SLC24A2: variants seen among roughly 807,000 people sequenced by gnomAD.
SLC24A2 encodes sodium/potassium/calcium exchanger 2.
SLC24A2 carries 36 observed loss-of-function variants against 62.0 expected under a neutral mutation model. That is an observed-to-expected ratio of 0.58 (90% CI 0.44 to 0.77). SLC24A2 has a LOEUF of 0.77. Among genes scored for constraint, SLC24A2 ranks in the 30% least tolerant of loss-of-function variants. SLC24A2 has a pLI of 0.00. For missense variants in SLC24A2, 846 were observed against 817.9 expected, an observed-to-expected ratio of 1.03 and a Z score of -0.42; for synonymous variants, 358 against 294.0, an observed-to-expected ratio of 1.22 and a Z score of -2.23.
chr9:19,525,115 G>A (rs1327041386), intron 9 of SLC24A2, among the ~76,000 whole-genome samples: 2 of 152,108 alleles, frequency 1.3e-5, no homozygotes, highest in South Asian at 2.1e-4. Flanking sequence ...ATAAAATAAT[G>A]ACTCCAAGGC....
At chr9:20,026,381 C>T in the SLC24A2 span, among the ~76,000 whole-genome samples, 3 of 152,148 alleles carry the variant, frequency 2.0e-5, no homozygotes, top group Admixed American at 1.3e-4. Flanking sequence ...TCCCACAGTG[C>T]CTAGCACATA....
chr9:20,242,859 C>A, the SLC24A2 span, among the ~76,000 whole-genome samples: 4 of 152,210 alleles, frequency 2.6e-5, no homozygotes, highest in South Asian at 8.3e-4. Flanking sequence ...GTGCTGTCAG[C>A]GAGGCAATCT....
chr9:19,707,658 T>C (rs1327381921), intron 2 of SLC24A2, among the ~76,000 whole-genome samples: 1 of 152,174 alleles, frequency 6.6e-6, no homozygotes, highest in Non-Finnish European at 1.5e-5. Flanking sequence ...AAAAACCACA[T>C]GATTATCTCA....
the SLC24A2 span, among the ~76,000 whole-genome samples, chr9:20,157,409 T>C: frequency 6.6e-6 from 1 of 151,666 alleles, no homozygotes; most frequent in Non-Finnish European, 1.5e-5. Flanking sequence ...AAAGACTCTG[T>C]CTTTGAGAGA....
chr9:19,943,329 CT>C, the SLC24A2 span, among the ~76,000 whole-genome samples: 1 of 152,262 alleles, frequency 6.6e-6, no homozygotes, highest in South Asian at 2.1e-4. Context: ...GTACTCACCC[CT>C]AATTACTTTC....
intron 2 of SLC24A2, among the ~76,000 whole-genome samples, chr9:19,706,678 G>A (rs572878372): frequency 5.9e-5 from 9 of 151,852 alleles, no homozygotes; most frequent in Admixed American, 2.6e-4. Flanking sequence ...GCGCCCGGCC[G>A]GGTCTTGATT....
chr9:19,762,903 T>C (rs1405760255), intron 2 of SLC24A2, among the ~76,000 whole-genome samples: 2 of 151,276 alleles, frequency 1.3e-5, no homozygotes, highest in African/African-American at 4.9e-5. Flanking sequence ...TATAAATTAC[T>C]ATGGGCAGTA....
the SLC24A2 span, among the ~76,000 whole-genome samples, chr9:20,037,299 G>T: frequency 6.6e-6 from 1 of 152,128 alleles, no homozygotes; most frequent in African/African-American, 2.4e-5. Flanking sequence ...TGACAGGAGA[G>T]AAAAGTCTGT....
At chr9:19,566,753 A>G (rs1835667734) in intron 7 of SLC24A2, among the ~76,000 whole-genome samples, 1 of 152,272 alleles carries the variant, frequency 6.6e-6, no homozygotes. Flanking sequence ...AATGTGGCAC[A>G]TATACACCAT....
chr9:19,817,107 C>G, the SLC24A2 span, among the ~76,000 whole-genome samples: 1 of 152,014 alleles, frequency 6.6e-6, no homozygotes, highest in African/African-American at 2.4e-5. Context: ...GAAGCACATA[C>G]TATCAAAATA....
At chr9:19,828,398 C>G in the SLC24A2 span, among the ~76,000 whole-genome samples, 1 of 152,000 alleles carries the variant, frequency 6.6e-6, no homozygotes, top group African/African-American at 2.4e-5. Context: ...ACATGCACCC[C>G]ATAAATAATA....
At chr9:20,204,557 C>T in the SLC24A2 span, among the ~76,000 whole-genome samples, 10 of 152,130 alleles carry the variant, frequency 6.6e-5, no homozygotes, top group East Asian at 1.2e-3. Context: ...TTGCTGATGT[C>T]GTACTGGTGT....
At chr9:19,602,313 G>T (rs938721806) in intron 4 of SLC24A2, among the ~76,000 whole-genome samples, 1 of 152,162 alleles carries the variant, frequency 6.6e-6, no homozygotes, top group African/African-American at 2.4e-5. Context: ...CCAAAATCTA[G>T]TAAGTGATGA....
chr9:20,186,373 AC>A, the SLC24A2 span, among the ~76,000 whole-genome samples: 2 of 152,010 alleles, frequency 1.3e-5, no homozygotes, highest in East Asian at 3.9e-4. Context: ...AGATATTCTA[AC>A]CGGGGCCCTA....
chr9:20,246,441 C>G, the SLC24A2 span, among the ~76,000 whole-genome samples: 1 of 152,160 alleles, frequency 6.6e-6, no homozygotes, highest in Non-Finnish European at 1.5e-5. Flanking sequence ...TTTCTTAAAG[C>G]AAAGCACCCT....
At chr9:19,947,790 CAAAAAAAAA>C in the SLC24A2 span, among the ~76,000 whole-genome samples, 1 of 84,986 alleles carries the variant, frequency 1.2e-5, no homozygotes, top group Admixed American at 1.8e-4. Flanking sequence ...GACTCTGTCT[CAAAAAAAAA>C]AAAAAAAAAA....
the SLC24A2 span, among the ~76,000 whole-genome samples, chr9:19,978,426 G>T: frequency 6.6e-6 from 1 of 151,196 alleles, no homozygotes; most frequent in Non-Finnish European, 1.5e-5. Flanking sequence ...TTTTTTTAAA[G>T]AATGTGTCAC....
chr9:20,014,293 T>C, the SLC24A2 span, among the ~76,000 whole-genome samples: 4 of 151,984 alleles, frequency 2.6e-5, no homozygotes, highest in Non-Finnish European at 4.4e-5. Flanking sequence ...GGAATTTAAG[T>C]ACAGCCATTG....
chr9:19,769,058 A>G (rs1822604581), intron 2 of SLC24A2, among the ~76,000 whole-genome samples: 3 of 152,104 alleles, frequency 2.0e-5, no homozygotes, highest in African/African-American at 4.8e-5. Flanking sequence ...CTTCCTACTC[A>G]GCATCTCCAT....
Sources: gnomAD v4.1 joint callset for allele counts (sites outside exome capture counted in the v4.1 genomes callset) on GRCh38, gnomAD v4.1.1 for gene constraint, MANE v1.5 for transcripts, NCBI Gene and HGNC (gene_info 2026-07-23, HGNC 2026-07-21) for gene names.